CUX1: variants seen among roughly 807,000 people sequenced by gnomAD.
CUX1 encodes protein CASP.
CUX1 carries 31 observed loss-of-function variants against 158.8 expected under a neutral mutation model. The observed-to-expected ratio is 0.20, with a 90% CI of 0.15 to 0.26. The LOEUF (loss-of-function observed/expected upper bound fraction) is 0.26, where lower values mean the gene tolerates loss of function less well. CUX1 is among the 10% of genes least tolerant of loss of function. The pLI, the probability that CUX1 is intolerant of heterozygous loss-of-function variation, is 1.00. For missense variants in CUX1, 1,589 were observed against 2,014.6 expected (o/e 0.79, Z 4.04); for synonymous variants, 879 against 862.1 (o/e 1.02, Z -0.34).
intron 13 of CUX1, 82 bp downstream of exon 13, chr7:102,193,972 C>A: frequency 7.3e-7 from 1 of 1,375,010 alleles, no homozygotes; most frequent in Non-Finnish European, 1.0e-6. Context: ...ATCCCATGAT[C>A]CACTGTTTCT....
At position 102,090,899 on chromosome 7, in the gene CUX1, C is replaced by T. The variant is rs544322580; in HGVS notation, c.269-6465C>T. Among the ~76,000 whole-genome samples the T allele has an allele frequency of 2.0e-5, 3 of 152,142 alleles. No homozygotes were observed. In the South Asian group the frequency reaches 6.2e-4, roughly 32 times the overall value. On this transcript the variant is annotated intron_variant, in intron 4 of 23. Coordinates refer to ENST00000292535, the MANE Select transcript of CUX1 (RefSeq NM_181552.4). ...ATGACATATGCACAGTTAGTATGCC[C>T]AATTTATGCATGAAGAAACTAAGGC...
At position 102,251,888 on chromosome 7, in the gene CUX1, T is replaced by C; in HGVS notation, c.*2846T>C. ...CTGAGGAAATTGACAAATACAGATT[T>C]GTCCATTCTAGTGGCCAAACAGTAA... On this transcript the variant is annotated 3_prime_UTR_variant, in exon 24 of 24. Coordinates refer to ENST00000292535, the MANE Select transcript of CUX1 (RefSeq NM_181552.4). 1 of 985,474 alleles carries C rather than the reference T, an allele frequency of 1.0e-6. No homozygotes were observed. 61.0% of individuals were successfully genotyped at this position (985,474 alleles called of 1,614,324 possible). A position where few individuals can be genotyped will look rare whatever the true frequency, so the allele number is the denominator to read the frequency against.
chr7:102,032,713 A>T (rs533409820), intron 3 of CUX1, among the ~76,000 whole-genome samples: 1 of 152,270 alleles, frequency 6.6e-6, no homozygotes, highest in South Asian at 2.1e-4. Flanking sequence ...TCAGATAATG[A>T]AATGATTACT....
Position 102,248,633 on chromosome 7 carries a change from C to A in CUX1, c.4109C>A (p.Ala1370Glu). ...GAGCGGGAGGAGGTGCCGCGGCCGG[C>A]GGAGCAGACGGAGCCGCCGCCCTCG... ...EAEREEVPRP[A>E]EQTEPPPSGT... The change falls in exon 24 of 24, where the codon GCG becomes GAG. Residue 1370 changes from alanine (A) to glutamate (E), a missense_variant. Ala to Glu is a moderately radical substitution (Grantham distance 107). This residue lies in a region of CUX1 where 344 missense variants were observed against 323.7 expected (regional missense o/e 1.06). Transcript: ENST00000292535. This position sits in a 1 kb window ranked among gnomAD's most constrained non-coding sequence, Gnocchi z 5.8. 1 of 1,397,454 alleles carries A rather than the reference C, an allele frequency of 7.2e-7. No individual in the cohort carries two copies. The highest frequency in any genetic ancestry group is 9.3e-7 in the Non-Finnish European group (1 of 1,080,436). The allele number at this position is 1,397,454 out of a possible 1,614,324, so 86.6% of individuals were successfully genotyped here. A position where few individuals can be genotyped will look rare whatever the true frequency, so the allele number is the denominator to read the frequency against.
intron 9 of CUX1, among the ~76,000 whole-genome samples, chr7:102,167,442 C>G (rs535608840): frequency 3.9e-5 from 6 of 152,180 alleles, no homozygotes; most frequent in Non-Finnish European, 5.9e-5. Flanking sequence ...CACCTTGTAA[C>G]CAGATGCCCG....
intron 2 of CUX1, among the ~76,000 whole-genome samples, chr7:102,000,935 C>T (rs1816608023): frequency 6.6e-6 from 1 of 152,166 alleles, no homozygotes; most frequent in Non-Finnish European, 1.5e-5. Flanking sequence ...CCATGCCAGG[C>T]TAATACTGTT....
intron 10 of CUX1, among the ~76,000 whole-genome samples, chr7:102,173,607 A>G (rs899479260): frequency 2.0e-5 from 3 of 152,148 alleles, no homozygotes; most frequent in African/African-American, 7.2e-5. Flanking sequence ...GTCCTGCTTC[A>G]TTCTGCAAAG....
rs907883871 is a variant in CUX1 at position 102,201,875 on chromosome 7, G to A, written c.2578G>A (p.Gly860Ser). The change falls in exon 18 of 24, where the codon GGC becomes AGC. Residue 860 changes from glycine (G) to serine (S), a missense_variant. Physicochemically the swap from Gly to Ser is moderately conservative, Grantham distance 56 (BLOSUM62 0). Coordinates refer to ENST00000292535, the MANE Select transcript of CUX1 (RefSeq NM_181552.4). The surrounding 1 kb of genome is among the most constrained non-coding windows in gnomAD (Gnocchi z 5.0). ...KEKGSGGSGGGSQPRAERSQL... is the reference protein window; with the variant it reads ...KEKGSGGSGGSSQPRAERSQL... ...GAAGGGCAGCGGTGGCAGCGGAGGT[G>A]GCAGCCAGCCTCGGGCCGAGCGCAG... The A allele has an allele frequency of 1.2e-6, 2 of 1,612,688 alleles. No individual in the cohort carries two copies. The highest frequency in any genetic ancestry group is 1.7e-6 in the Non-Finnish European group (2 of 1,179,902).
At position 102,251,388 on chromosome 7, in the gene CUX1, C is replaced by T. The variant is rs1554540062; in HGVS notation, c.*2346C>T. ...GATGTTTTAGAGATTATTTCATTTACAGTCTTTTAACCTGCAGCTGCAGCA... is the reference window on the plus strand; with the variant it reads ...GATGTTTTAGAGATTATTTCATTTATAGTCTTTTAACCTGCAGCTGCAGCA... On this transcript the variant is annotated 3_prime_UTR_variant, in exon 24 of 24. Coordinates refer to ENST00000292535, the MANE Select transcript of CUX1 (RefSeq NM_181552.4). The T allele has an allele frequency of 5.1e-6, 5 of 985,210 alleles. No individual in the cohort carries two copies. The highest frequency in any genetic ancestry group is 6.0e-6 in the Non-Finnish European group (5 of 829,906). 61.0% of individuals were successfully genotyped at this position (985,210 alleles called of 1,614,324 possible). A position where few individuals can be genotyped will look rare whatever the true frequency, so the allele number is the denominator to read the frequency against.
intron 3 of CUX1, among the ~76,000 whole-genome samples, chr7:102,037,551 T>C (rs1821581443): frequency 6.6e-6 from 1 of 151,556 alleles, no homozygotes; most frequent in Non-Finnish European, 1.5e-5. Flanking sequence ...AGGGTTTCTC[T>C]GTGTTGGTCA....
At chr7:101,894,708 C>G (rs1422121010) in intron 1 of CUX1, among the ~76,000 whole-genome samples, 1 of 152,208 alleles carries the variant, frequency 6.6e-6, no homozygotes, top group African/African-American at 2.4e-5. Flanking sequence ...TTCATAACAG[C>G]ACGCTTCAAT....
At chr7:102,192,592 G>A (rs1331239551) in intron 12 of CUX1, among the ~76,000 whole-genome samples, 4 of 152,230 alleles carry the variant, frequency 2.6e-5, no homozygotes, top group Non-Finnish European at 4.4e-5. Context: ...TTGGGAGGCC[G>A]ACAGATCACC....
intron 2 of CUX1, among the ~76,000 whole-genome samples, chr7:101,985,717 A>G (rs991939238): frequency 3.3e-5 from 5 of 152,234 alleles, no homozygotes; most frequent in African/African-American, 1.2e-4. Flanking sequence ...TTGAGGATTC[A>G]GTAAAACCAT....
intron 8 of CUX1, among the ~76,000 whole-genome samples, chr7:102,157,999 C>A (rs1351417373): frequency 1.3e-5 from 2 of 152,152 alleles, no homozygotes; most frequent in African/African-American, 2.4e-5. Flanking sequence ...CCTGTGTCAC[C>A]ATCCTCACCT....
intron 1 of CUX1, among the ~76,000 whole-genome samples, chr7:101,821,671 C>CT (rs58793343): frequency 0.15 from 7,668 of 50,858 alleles, 1,638 homozygotes; most frequent in East Asian, 0.31. Context: ...TTTCTTTTTT[C>CT]TTTTTTTTTT....
At chr7:101,827,742 GAAGT>G (rs1196331603) in intron 1 of CUX1, among the ~76,000 whole-genome samples, 4 of 152,154 alleles carry the variant, frequency 2.6e-5, no homozygotes, top group African/African-American at 4.8e-5. Flanking sequence ...TTCTTAGAAT[GAAGT>G]AAGCTAAAGA....
chr7:101,923,566 G>T (rs1805226713), intron 2 of CUX1, among the ~76,000 whole-genome samples: 1 of 152,226 alleles, frequency 6.6e-6, no homozygotes, highest in Non-Finnish European at 1.5e-5. Context: ...TCTGGGAGGA[G>T]AGCCGAGCTG....
At chr7:102,168,918 C>A (rs62484925) in intron 9 of CUX1, among the ~76,000 whole-genome samples, 6,811 of 82,516 alleles carry the variant, frequency 0.083, 335 homozygotes, top group Non-Finnish European at 0.11. Flanking sequence ...CTTTTATTTT[C>A]TTTTCTTTTC....
At position 102,248,886 on chromosome 7, in the gene CUX1, C is replaced by G. The variant is rs1253901863; in HGVS notation, c.4362C>G (p.Ser1454Arg). Reference protein sequence around the residue: ...SSSSSAPRRPSSLQSLFGLPE... With the variant: ...SSSSSAPRRPRSLQSLFGLPE... ...GCAGCAGCGCCCCCCGCAGGCCCAG[C>G]TCGCTGCAGAGCCTTTTCGGCCTCC... The change falls in exon 24 of 24, where the codon AGC (serine) becomes AGG (arginine). Residue 1454 changes from serine to arginine, a missense_variant. Ser to Arg is a moderately radical substitution (Grantham distance 110). Transcript: ENST00000292535. This position sits in a 1 kb window ranked among gnomAD's most constrained non-coding sequence, Gnocchi z 5.8. The G allele has an allele frequency of 7.9e-6, 11 of 1,389,878 alleles. No homozygotes were observed. In the African/African-American group the frequency reaches 1.5e-4, roughly 19 times the overall value. The allele number at this position is 1,389,878 out of a possible 1,614,324, so 86.1% of individuals were successfully genotyped here.
Sources: gnomAD v4.1 joint callset for allele counts (sites outside exome capture counted in the v4.1 genomes callset) on GRCh38, gnomAD v4.1.1 for gene constraint, gnomAD v4.1.1 regional missense constraint, Gnocchi (gnomAD v3.1) non-coding constraint, MANE v1.5 for transcripts, NCBI Gene and HGNC (gene_info 2026-07-23, HGNC 2026-07-21) for gene names.